Variants in COBL observed in about 807,000 individuals in gnomAD.
The protein encoded by COBL is cordon-bleu WH2 repeat protein.
A neutral mutation model predicts 98.8 loss-of-function variants in COBL; 51 were observed. The ratio of observed to expected loss-of-function variants is 0.52; its 90% confidence interval spans 0.41 to 0.65. The LOEUF (loss-of-function observed/expected upper bound fraction) is 0.65. COBL is among the 30% of genes least tolerant of loss of function. The pLI, the probability that COBL is intolerant of heterozygous loss-of-function variation, is 0.00. For synonymous variants in COBL, 634 were observed against 651.7 expected (o/e 0.97, Z 0.41); for missense variants, 1,617 against 1,617.5 (o/e 1.00, Z 0.01).
At chr7:51,035,348 C>T (rs1485009758) in intron 8 of COBL, 6 of 144,608 alleles carry the variant, frequency 4.1e-5, no homozygotes, top group Non-Finnish European at 7.4e-5. Context: ...GAGGCTAGTA[C>T]AGTGGCAGAA....
intron 1 of COBL, among the ~76,000 whole-genome samples, chr7:51,257,322 A>G (rs983668714): frequency 6.6e-6 from 1 of 152,224 alleles, no homozygotes. Context: ...GACTCCACTC[A>G]GTAGAAGTCA....
chr7:51,315,616 G>A (rs1259578139), intron 1 of COBL, among the ~76,000 whole-genome samples: 3 of 147,526 alleles, frequency 2.0e-5, no homozygotes, highest in African/African-American at 7.3e-5. Context: ...TGCTCCAGGC[G>A]AGCGAGCGAG....
At chr7:51,207,290 C>T (rs1791831077) in intron 2 of COBL, among the ~76,000 whole-genome samples, 1 of 151,016 alleles carries the variant, frequency 6.6e-6, no homozygotes, top group Middle Eastern at 3.2e-3. Context: ...TAAAAGTACA[C>T]ATTTAATTTA....
At position 51,143,492 on chromosome 7, in the gene COBL, C is replaced by T. The variant is rs191387903; in HGVS notation, c.784-7161G>A. Among the ~76,000 whole-genome samples, 52 of 152,222 alleles carry T rather than the reference C, an allele frequency of 3.4e-4. No individual in the cohort carries two copies. The East Asian group carries it at 7.5e-3, about 22-fold the overall frequency. ...CTCCAGATAAATGGATTTCTCCAAACGAAACCAAGTATTTCGTGTTAAGTG... is the reference window on the plus strand; with the variant it reads ...CTCCAGATAAATGGATTTCTCCAAATGAAACCAAGTATTTCGTGTTAAGTG... On this transcript the variant is annotated intron_variant, in intron 5 of 12. Coordinates refer to ENST00000265136, the MANE Select transcript of COBL (RefSeq NM_015198.5).
At chr7:51,286,088 T>C (rs1178064588) in intron 1 of COBL, among the ~76,000 whole-genome samples, 5 of 152,198 alleles carry the variant, frequency 3.3e-5, no homozygotes, top group African/African-American at 1.2e-4. Flanking sequence ...TCACATGCCT[T>C]ATACAACAAT....
At position 51,198,135 on chromosome 7, in the gene COBL, A is replaced by C. The variant is rs565485117; in HGVS notation, c.246-4546T>G. 4.6e-5 allele frequency among the ~76,000 whole-genome samples: 7 copies of C among 152,184 alleles called. No homozygotes were observed. The South Asian group carries it at 1.5e-3, about 32-fold the overall frequency. On this transcript the variant is annotated intron_variant, in intron 2 of 12. Transcript: ENST00000265136. ...GTAGTCTGTGTACTTTAGTGTTAGT[A>C]GCTGGTAATGGTGTTTCCTTTCCAT...
chr7:51,220,539 A>G (rs1335881663), intron 1 of COBL, among the ~76,000 whole-genome samples: 2 of 152,196 alleles, frequency 1.3e-5, no homozygotes, highest in Non-Finnish European at 2.9e-5. Context: ...ACTAACGCAT[A>G]ACCCCCTTTG....
intron 5 of COBL, among the ~76,000 whole-genome samples, chr7:51,157,728 G>A (rs1323790766): frequency 1.3e-5 from 2 of 151,890 alleles, no homozygotes; most frequent in Non-Finnish European, 2.9e-5. Context: ...TCTATTTATT[G>A]TACTATATGG....
intron 7 of COBL, among the ~76,000 whole-genome samples, chr7:51,055,680 C>T (rs1790679804): frequency 6.6e-6 from 1 of 152,166 alleles, no homozygotes; most frequent in South Asian, 2.1e-4. Flanking sequence ...GCCGGCCGGC[C>T]GGCCTGGGCG....
intron 5 of COBL, among the ~76,000 whole-genome samples, chr7:51,182,733 T>C (rs1019284304): frequency 4.6e-5 from 7 of 152,080 alleles, no homozygotes; most frequent in African/African-American, 1.2e-4. Flanking sequence ...AGGTCTTACA[T>C]AGACATGCAT....
intron 1 of COBL, among the ~76,000 whole-genome samples, chr7:51,232,862 C>T (rs1192955725): frequency 6.6e-6 from 1 of 152,128 alleles, no homozygotes. Flanking sequence ...TGACTTTCTC[C>T]TGAACATTTA....
rs539894794 is a variant in COBL, at chr7:51,144,316, T to A, written c.784-7985A>T. On this transcript the variant is annotated intron_variant, in intron 5 of 12. Coordinates refer to ENST00000265136, the MANE Select transcript of COBL (RefSeq NM_015198.5). ...GTCCTCATTTCACAGCTAAGGAAAC[T>A]CAGGTACAGCGAGTTACTGGTTGCC... is the stretch of plus-strand genomic sequence containing the variant. Among the ~76,000 whole-genome samples, 80 of 152,160 alleles carry A rather than the reference T, an allele frequency of 5.3e-4. 1 individual carries two copies. The South Asian group carries it at 0.016, about 31-fold the overall frequency.
At chr7:51,027,049 G>C (rs1322150915) in intron 10 of COBL, among the ~76,000 whole-genome samples, 36 of 152,218 alleles carry the variant, frequency 2.4e-4, no homozygotes, top group Admixed American at 6.5e-5. Context: ...ATTCATCCCA[G>C]TGTTCCAGAG....
chr7:51,256,724 G>C (rs566236056), intron 1 of COBL, among the ~76,000 whole-genome samples: 1 of 152,348 alleles, frequency 6.6e-6, no homozygotes, highest in South Asian at 2.1e-4. Flanking sequence ...GAGAAGCTGT[G>C]AGACTTGATG....
intron 12 of COBL, among the ~76,000 whole-genome samples, chr7:51,023,226 T>C (rs904317416): frequency 6.6e-6 from 1 of 152,212 alleles, no homozygotes; most frequent in African/African-American, 2.4e-5. Flanking sequence ...TCCCTCATTT[T>C]ACATAAGTAC....
At chr7:51,132,819 C>T (rs1798879057) in intron 6 of COBL, among the ~76,000 whole-genome samples, 1 of 151,964 alleles carries the variant, frequency 6.6e-6, no homozygotes, top group South Asian at 2.1e-4. Context: ...AGAGAGGGAG[C>T]AAGGACGGAG....
intron 7 of COBL, among the ~76,000 whole-genome samples, chr7:51,061,325 T>C (rs577620819): frequency 9.2e-5 from 14 of 152,284 alleles, no homozygotes; most frequent in East Asian, 1.9e-4. Flanking sequence ...GCGACTTCCA[T>C]AGCAGTGTCT....
At chr7:51,112,976 A>T (rs1796968805) in intron 6 of COBL, among the ~76,000 whole-genome samples, 1 of 152,236 alleles carries the variant, frequency 6.6e-6, no homozygotes, top group Non-Finnish European at 1.5e-5. Context: ...ATTAATGGTG[A>T]TGTGCTCCCA....
In COBL at chr7:51,026,664, G is replaced by A. The variant is rs375317019; in HGVS notation, c.3386C>T (p.Thr1129Met). The A allele has an allele frequency of 9.1e-5, 147 of 1,613,298 alleles. No homozygotes were observed. The highest frequency in any genetic ancestry group is 1.7e-4 in the Admixed American group (10 of 59,984). The change falls in exon 11 of 13, where the codon ACG becomes ATG. Residue 1129 changes from threonine (T) to methionine (M), a missense_variant and splice_region_variant. Around this residue, in one of 3 missense-constraint regions of COBL, gnomAD observed 1,304 missense variants for 1,282.0 expected, o/e 1.02. Transcript: ENST00000265136. ...SAGGKDRLRK[T>M]AEHTGEGRPA... ...CCTGCCCTCCCCGGTGTGTTCTGCC[G>A]TCTAGAATATTAACAGTGTCACACA...
Sources: allele counts gnomAD v4.1 joint callset (sites outside exome capture counted in the v4.1 genomes callset), GRCh38; gene constraint gnomAD v4.1.1; regional missense constraint gnomAD v4.1.1; transcripts MANE v1.5; gene names NCBI Gene and HGNC (gene_info 2026-07-23, HGNC 2026-07-21).